The following CHERP variants were observed in gnomAD, a reference collection of about 807,000 sequenced individuals.
CHERP encodes the protein calcium homeostasis endoplasmic reticulum protein.
A neutral mutation model predicts 113.8 loss-of-function variants in CHERP; 8 were observed. The observed-to-expected ratio is 0.07, with a 90% CI of 0.04 to 0.13. CHERP has a LOEUF of 0.13. Among genes scored for constraint, CHERP ranks in the 10% least tolerant of loss-of-function variants. The pLI is 1.00. For synonymous variants in CHERP, 559 were observed against 524.5 expected, an observed-to-expected ratio of 1.07 and a Z score of -0.90; for missense variants, 884 against 1,298.2, an observed-to-expected ratio of 0.68 and a Z score of 4.90.
intron 10 of CHERP, among the ~76,000 whole-genome samples, chr19:16,524,976 C>A (rs1435593266): frequency 2.0e-5 from 3 of 152,152 alleles, no homozygotes; most frequent in African/African-American, 7.2e-5. Flanking sequence ...CCCCGCCCTG[C>A]CCTCGCCACG....
intron 2 of CHERP, among the ~76,000 whole-genome samples, chr19:16,540,800 C>T (rs989209178): frequency 1.2e-4 from 18 of 151,098 alleles, no homozygotes; most frequent in Non-Finnish European, 2.5e-4. Context: ...CGGGTTCAAG[C>T]GATTCTCCCG....
At position 16,523,890 on chromosome 19, in the gene CHERP, A is replaced by C. The variant is rs1247143234; in HGVS notation, c.1742-600T>G. Among the ~76,000 whole-genome samples, 2 of 152,232 alleles carry C rather than the reference A, an allele frequency of 1.3e-5. No homozygotes were observed. The highest frequency in any genetic ancestry group is 1.3e-4 in the Admixed American group (2 of 15,278). On this transcript the variant is annotated intron_variant, in intron 10 of 16. Coordinates refer to ENST00000546361, the MANE Select transcript of CHERP (RefSeq NM_006387.6). The surrounding 1 kb of genome is among the most constrained non-coding windows in gnomAD (Gnocchi z 4.0). ...GCTGTGGGACTTATCATGTCAGCCC[A>C]AGCCAAAAAGTAAAAGCAATAAATG...
chr19:16,533,623 G>A (rs1057309122), intron 3 of CHERP, among the ~76,000 whole-genome samples: 5 of 152,074 alleles, frequency 3.3e-5, no homozygotes, highest in African/African-American at 1.2e-4. Flanking sequence ...AGTTGAGCAT[G>A]GTAGTGTGTG....
At position 16,519,975 on chromosome 19, in the gene CHERP, T is replaced by C. The variant is rs1363901164; in HGVS notation, c.2462+174A>G. 1.4e-6 allele frequency: 1 copy of C among 726,026 alleles called. No homozygotes were observed. The highest frequency in any genetic ancestry group is 2.3e-6 in the Non-Finnish European group (1 of 435,628). The allele number at this position is 726,026 out of a possible 1,614,324, so 45.0% of individuals were successfully genotyped here. A position where few individuals can be genotyped will look rare whatever the true frequency, so the allele number is the denominator to read the frequency against. ...TGGTTAGAAAGCAGACCCCAGTTAC[T>C]GCCTCAGGCTTCGCCAAGTGGCTAC... On this transcript the variant is annotated intron_variant, in intron 15 of 16. Coordinates refer to ENST00000546361, the MANE Select transcript of CHERP (RefSeq NM_006387.6). The surrounding 1 kb of genome is among the most constrained non-coding windows in gnomAD (Gnocchi z 6.0).
Position 16,535,392 on chromosome 19 carries a change from G to T in CHERP, c.384+60C>A. 1 of 1,543,092 alleles carries T rather than the reference G, an allele frequency of 6.5e-7. No homozygotes were observed. The highest frequency in any genetic ancestry group is 8.8e-7 in the Non-Finnish European group (1 of 1,138,536). ...CTGTTATTCATTCTGATGAGCAGAC[G>T]CAAAAACAGAGGCACAGGGGAGCTG... On this transcript the variant is annotated intron_variant, in intron 3 of 16. Transcript: ENST00000546361. This position sits in a 1 kb window ranked among gnomAD's most constrained non-coding sequence, Gnocchi z 4.3.
In CHERP at chr19:16,533,095, A is replaced by C; in HGVS notation, c.438T>G (p.Leu146=). ...AHAVEQQMQK[L]LEETQLDMNE... is the part of the protein sequence containing the mutation. ...TCATGTCTAGCTGGGTCTCCTCCAG[A>C]AGCTTCTGCATCTGCTGCTCCACCG... The change falls in exon 4 of 17, where the codon CTT becomes CTG. Residue 146 remains leucine (L), a synonymous_variant. Transcript: ENST00000546361. The C allele has an allele frequency of 6.3e-7, 1 of 1,584,446 alleles. No individual in the cohort carries two copies.
At position 16,531,001 on chromosome 19, in the gene CHERP, G is replaced by A. The variant is rs144326342; in HGVS notation, c.675-121C>T. 2.3e-4 allele frequency: 336 copies of A among 1,463,584 alleles called. 1 individual carries two copies. The East Asian group carries it at 7.1e-3, about 31-fold the overall frequency. The allele number at this position is 1,463,584 out of a possible 1,614,324, so 90.7% of individuals were successfully genotyped here. A position where few individuals can be genotyped will look rare whatever the true frequency, so the allele number is the denominator to read the frequency against. On this transcript the variant is annotated intron_variant, in intron 5 of 16. Coordinates refer to ENST00000546361, the MANE Select transcript of CHERP (RefSeq NM_006387.6). ...TTCTCGGGAATCGGGTCCCCAACCC[G>A]GTCAGGGCGATGGCTGGGCTCCCAC...
intron 2 of CHERP, among the ~76,000 whole-genome samples, chr19:16,537,317 AC>A (rs2085747718): frequency 3.3e-5 from 5 of 150,984 alleles, no homozygotes; most frequent in African/African-American, 1.2e-4. Flanking sequence ...CTCCCGTTGG[AC>A]CCTCACATGC....
In CHERP at chr19:16,530,444, C is replaced by T; in HGVS notation, c.876+141G>A. ...GTCACCTGGGACTCTCTGGTCAACA[C>T]ACACTGGCTACTCCTAGCACAGGCA... On this transcript the variant is annotated intron_variant, in intron 7 of 16. Transcript: ENST00000546361. The surrounding 1 kb of genome is among the most constrained non-coding windows in gnomAD (Gnocchi z 4.1). The T allele has an allele frequency of 1.3e-6, 1 of 760,108 alleles. No individual in the cohort carries two copies. The highest frequency in any genetic ancestry group is 2.3e-6 in the Non-Finnish European group (1 of 443,596). 47.1% of individuals were successfully genotyped at this position (760,108 alleles called of 1,614,324 possible).
At chr19:16,527,357 G>A (rs1304306455) in intron 9 of CHERP, among the ~76,000 whole-genome samples, 3 of 152,216 alleles carry the variant, frequency 2.0e-5, no homozygotes, top group Non-Finnish European at 4.4e-5. Flanking sequence ...GTGTCCTGAA[G>A]CTGGGGATGG....
At chr19:16,534,501 G>A (rs2085728415) in intron 3 of CHERP, among the ~76,000 whole-genome samples, 1 of 152,020 alleles carries the variant, frequency 6.6e-6, no homozygotes, top group Non-Finnish European at 1.5e-5. Context: ...TTCTGAGACT[G>A]AGTCTTGCTC....
At position 16,520,223 on chromosome 19, in the gene CHERP, G is replaced by A. The variant is rs1321223653; in HGVS notation, c.2388C>T (p.Ser796=). ...ACGACTTGGACCGGGACCGCGACTG[G>A]GACCGGGAGCGGCTTCTGGAGGAGC... ...RSRSSRSRSR[S]QSRSRSKSYS... is the part of the protein sequence containing the mutation. The change falls in exon 15 of 17, where the codon TCC becomes TCT. Residue 796 remains serine (S), a synonymous_variant. Coordinates refer to ENST00000546361, the MANE Select transcript of CHERP (RefSeq NM_006387.6). This position sits in a 1 kb window ranked among gnomAD's most constrained non-coding sequence, Gnocchi z 4.0. 1 of 1,613,468 alleles carries A rather than the reference G, an allele frequency of 6.2e-7. No individual in the cohort carries two copies. Among genetic ancestry groups the A allele is most frequent in the Admixed American group, 1.7e-5 (1 of 60,010 alleles).
intron 3 of CHERP, among the ~76,000 whole-genome samples, chr19:16,534,825 G>A (rs2122279332): frequency 6.6e-6 from 1 of 152,254 alleles, no homozygotes; most frequent in Middle Eastern, 3.4e-3. Flanking sequence ...GGACCAGGAA[G>A]GACAAAAGGG....
In CHERP at chr19:16,520,879, G is replaced by T. The variant is rs1382267094; in HGVS notation, c.2148C>A (p.Phe716Leu). 6.2e-7 allele frequency: 1 copy of T among 1,613,916 alleles called. No homozygotes were observed. The highest frequency in any genetic ancestry group is 8.5e-7 in the Non-Finnish European group (1 of 1,180,040). ...EGWEQNGLYE[F>L]FRAKMRARRR... ...GCCGGGCCCGCATTTTTGCTCGGAA[G>T]AACTCATAGAGGCCGTTCTGCTCCC... Residue 716 changes from phenylalanine to leucine, a missense_variant, in exon 13 of 17, where the codon TTC (phenylalanine) becomes TTA (leucine). By Grantham distance (22) the Phe-to-Leu change is conservative. Transcript: ENST00000546361. This position sits in a 1 kb window ranked among gnomAD's most constrained non-coding sequence, Gnocchi z 4.0.
In CHERP at chr19:16,523,357, G is replaced by A; in HGVS notation, c.1742-67C>T. On this transcript the variant is annotated intron_variant, in intron 10 of 16. Coordinates refer to ENST00000546361, the MANE Select transcript of CHERP (RefSeq NM_006387.6). The surrounding 1 kb of genome is among the most constrained non-coding windows in gnomAD (Gnocchi z 4.0). ...GATCTCCCAGGCGACAAGTGCTGGA[G>A]GGGAGGGGCTCAGTGAAGGGCCAGG... The A allele has an allele frequency of 1.3e-6, 2 of 1,578,022 alleles. No homozygotes were observed. Among genetic ancestry groups the A allele is most frequent in the East Asian group, 2.3e-5 (1 of 42,932 alleles).
Position 16,519,883 on chromosome 19 carries a change from G to T in CHERP, c.2463-168C>A. On this transcript the variant is annotated intron_variant, in intron 15 of 16. Transcript: ENST00000546361. This position sits in a 1 kb window ranked among gnomAD's most constrained non-coding sequence, Gnocchi z 6.0. ...GTTTATCCTGTCTCAGCTAGATAAG[G>T]GGGCTCCAGACGCTGGCCCCCACCC... 1.4e-6 allele frequency: 1 copy of T among 695,630 alleles called. No homozygotes were observed. Among genetic ancestry groups the T allele is most frequent in the Non-Finnish European group, 2.5e-6 (1 of 399,266 alleles). 43.1% of individuals were successfully genotyped at this position (695,630 alleles called of 1,614,324 possible).
rs185357883 is a variant in CHERP, at chr19:16,527,873, C to G, written c.1305+207G>C. Among the ~76,000 whole-genome samples, 22 of 152,328 alleles carry G rather than the reference C, an allele frequency of 1.4e-4. 1 individual carries two copies. The South Asian group carries it at 1.5e-3, about 10-fold the overall frequency. ...CAGAGAAGCCCAAACCATCAAAGCT[C>G]GGGGAAGGGACGTGAAGACCTGTCA... is the stretch of plus-strand genomic sequence containing the variant. On this transcript the variant is annotated intron_variant, in intron 9 of 16. Transcript: ENST00000546361.
chr19:16,526,951 G>A (rs1407183302), intron 9 of CHERP, among the ~76,000 whole-genome samples: 1 of 152,190 alleles, frequency 6.6e-6, no homozygotes, highest in East Asian at 1.9e-4. Flanking sequence ...TAGAGATGGA[G>A]TCTTGCCTTG....
chr19:16,532,417 G>A lies in CHERP; in HGVS notation c.674+181C>T, dbSNP rs1276234739. 4 of 692,360 alleles carry A rather than the reference G, an allele frequency of 5.8e-6. No homozygotes were observed. Among genetic ancestry groups the A allele is most frequent in the East Asian group, 2.8e-5 (1 of 35,778 alleles). 42.9% of individuals were successfully genotyped at this position (692,360 alleles called of 1,614,324 possible). A position where few individuals can be genotyped will look rare whatever the true frequency, so the allele number is the denominator to read the frequency against. ...AAGGTGCACAGGACACCTAGACCTC[G>A]CAGTCCTGGAGACAGAAGCCTGGTG... On this transcript the variant is annotated intron_variant, in intron 5 of 16. Coordinates refer to ENST00000546361, the MANE Select transcript of CHERP (RefSeq NM_006387.6). The surrounding 1 kb of genome is among the most constrained non-coding windows in gnomAD (Gnocchi z 4.4).
Sources: gnomAD v4.1 joint callset for allele counts (sites outside exome capture counted in the v4.1 genomes callset) on GRCh38, gnomAD v4.1.1 for gene constraint, Gnocchi (gnomAD v3.1) non-coding constraint, MANE v1.5 for transcripts, NCBI Gene and HGNC (gene_info 2026-07-23, HGNC 2026-07-21) for gene names.